TMEM87B: variants seen among roughly 807,000 people sequenced by gnomAD.
TMEM87B encodes the protein transmembrane protein 87B.
TMEM87B carries 83 observed loss-of-function variants against 80.3 expected under a neutral mutation model. The ratio of observed to expected loss-of-function variants is 1.03; its 90% CI spans 0.87 to 1.24. The LOEUF (loss-of-function observed/expected upper bound fraction) is 1.24. Ranked by LOEUF, TMEM87B falls within the 50% of genes most tolerant of loss-of-function variation. The probability of loss-of-function intolerance (pLI) is 0.00; values close to 1 mark genes in which losing one functional copy is unlikely to be tolerated. For missense variants in TMEM87B, 625 were observed against 674.4 expected (o/e 0.93, Z 0.81); for synonymous variants, 219 against 230.5 (o/e 0.95, Z 0.45).
At chr2:112,089,023 G>T (rs1679227998) in intron 9 of TMEM87B, among the ~76,000 whole-genome samples, 2 of 152,166 alleles carry the variant, frequency 1.3e-5, no homozygotes, top group South Asian at 4.1e-4. Flanking sequence ...GGCCTCCCAA[G>T]ATGCTAGGAT....
chr2:112,098,765 C>T (rs560039430), intron 14 of TMEM87B, 67 bp downstream of exon 14: 822 of 1,448,588 alleles, frequency 5.7e-4, no homozygotes, highest in Middle Eastern at 1.4e-3. Flanking sequence ...GTCAAGAACA[C>T]GTTTATAGAA....
At position 112,097,280 on chromosome 2, in the gene TMEM87B, A is replaced by G. The variant is rs779340805; in HGVS notation, c.1261A>G (p.Lys421Glu). The G allele has an allele frequency of 6.2e-7, 1 of 1,605,534 alleles. No homozygotes were observed. Among genetic ancestry groups the G allele is most frequent in the Non-Finnish European group, 8.5e-7 (1 of 1,177,704 alleles). ...GACAACTAAGACATTTAGAATTGCA[A>G]AATGCCAATCAGTAAGTATAACCTT... is the stretch of plus-strand genomic sequence containing the variant. ...GWTTKTFRIA[K>E]CQSDWMERWV... Residue 421 changes from lysine (K) to glutamate (E), a missense_variant, in exon 13 of 19, where the codon AAA (lysine) becomes GAA (glutamate). Physicochemically the swap from Lys to Glu is moderately conservative, Grantham distance 56. Coordinates refer to ENST00000283206, the MANE Select transcript of TMEM87B (RefSeq NM_032824.3).
At chr2:112,078,039 C>T (rs556978160) in intron 6 of TMEM87B, among the ~76,000 whole-genome samples, 8 of 152,228 alleles carry the variant, frequency 5.3e-5, no homozygotes, top group Admixed American at 1.3e-4. Flanking sequence ...AGAGGAGGCT[C>T]GGTCTGTTGT....
intron 9 of TMEM87B, among the ~76,000 whole-genome samples, chr2:112,086,428 G>A (rs1679146904): frequency 6.6e-6 from 1 of 152,058 alleles, no homozygotes; most frequent in South Asian, 2.1e-4. Flanking sequence ...AAGCTTTTAT[G>A]GTCCTATCTG....
chr2:112,105,908 A>G, intron 15 of TMEM87B, 94 bp from the exon 16 acceptor site: 1 of 865,482 alleles, frequency 1.2e-6, no homozygotes, highest in Non-Finnish European at 1.6e-6. Flanking sequence ...CCATTTCTAA[A>G]AAGATATAGT....
At chr2:112,100,850 CAGAA>C (rs2104498821) in intron 15 of TMEM87B, among the ~76,000 whole-genome samples, 155 bp downstream of exon 15, 1 of 152,188 alleles carries the variant, frequency 6.6e-6, no homozygotes, top group African/African-American at 2.4e-5. Flanking sequence ...TAGACAGTAA[CAGAA>C]AGGTCAGTGA....
rs770857630 is a variant in TMEM87B, at chr2:112,089,688, A to G, written c.1002A>G (p.Ala334=). 6.2e-7 allele frequency: 1 copy of G among 1,614,110 alleles called. No individual in the cohort carries two copies. The highest frequency in any genetic ancestry group is 8.5e-7 in the Non-Finnish European group (1 of 1,179,998). ...TGGGGCTTCTATACTTAATCTTTGCAGCTGTTGAAGGCGTGATGAGAGTCA... is the reference window on the plus strand; with the variant it reads ...TGGGGCTTCTATACTTAATCTTTGCGGCTGTTGAAGGCGTGATGAGAGTCA... The part of the protein sequence containing the change: ...IGLGLLYLIF[A]AVEGVMRVIG... Residue 334 remains alanine (A), a synonymous_variant, in exon 10 of 19, where the codon GCA becomes GCG. Transcript: ENST00000283206.
chr2:112,100,756 C>T, intron 15 of TMEM87B, 61 bp downstream of exon 15: 2 of 1,105,688 alleles, frequency 1.8e-6, no homozygotes, highest in South Asian at 1.5e-5. Flanking sequence ...AATATTGTAC[C>T]TTTACCCGTG....
rs553962558 is a variant in TMEM87B, at chr2:112,091,377, G to A, written c.1033-335G>A. The stretch of plus-strand genomic sequence containing the variant: ...CTTCACAACACAGTCAGGAAAGATC[G>A]GGAGTTCGTTTCATTAATAGCCCTG... On this transcript the variant is annotated intron_variant, in intron 10 of 18. Coordinates refer to ENST00000283206, the MANE Select transcript of TMEM87B (RefSeq NM_032824.3). 1.5e-3 allele frequency among the ~76,000 whole-genome samples: 233 copies of A among 152,232 alleles called. 7 individuals carry two copies. The highest frequency in any genetic ancestry group is 1.7e-3 in the Non-Finnish European group (115 of 68,024).
intron 13 of TMEM87B, among the ~76,000 whole-genome samples, chr2:112,097,982 CT>C (rs939737090): frequency 8.8e-4 from 122 of 138,960 alleles, no homozygotes; most frequent in African/African-American, 8.7e-4. Context: ...GCGATGTTTT[CT>C]TTTTTTTTTT....
chr2:112,097,812 T>G (rs1026138501), intron 13 of TMEM87B, among the ~76,000 whole-genome samples: 1 of 152,000 alleles, frequency 6.6e-6, no homozygotes, highest in African/African-American at 2.4e-5. Context: ...TTTGTCAAGT[T>G]TTTTTTATAT....
intron 4 of TMEM87B, among the ~76,000 whole-genome samples, chr2:112,067,701 T>C (rs1678478340): frequency 6.6e-6 from 1 of 152,212 alleles, no homozygotes; most frequent in African/African-American, 2.4e-5. Flanking sequence ...CCAATTTATC[T>C]CTCACTCTTC....
At position 112,116,565 on chromosome 2, in the gene TMEM87B, C is replaced by T. The variant is rs74369221; in HGVS notation, c.*422C>T. On this transcript the variant is annotated 3_prime_UTR_variant, in exon 19 of 19. Transcript: ENST00000283206. ...GTGATTTTCTGGAGTATAGTATATC[C>T]GTGTCTCTGTGTCTTAGGTTTACTA... The T allele has an allele frequency of 7.1e-3, 1,095 of 154,430 alleles. 13 individuals carry two copies. The highest frequency in any genetic ancestry group is 0.025 in the African/African-American group (1,032 of 41,492). 9.6% of individuals were successfully genotyped at this position (154,430 alleles called of 1,614,324 possible).
chr2:112,071,285 T>C (rs767531994), intron 4 of TMEM87B, among the ~76,000 whole-genome samples: 5 of 151,072 alleles, frequency 3.3e-5, no homozygotes, highest in Non-Finnish European at 7.4e-5. Flanking sequence ...GGTGTACAGG[T>C]ATGCTAGTGA....
intron 4 of TMEM87B, among the ~76,000 whole-genome samples, chr2:112,072,162 G>A (rs776047157): frequency 2.6e-5 from 4 of 152,192 alleles, no homozygotes; most frequent in Admixed American, 6.5e-5. Context: ...ACTTTTTGAT[G>A]TGCTGCTGGA....
chr2:112,110,499 T>C (rs924792619), intron 17 of TMEM87B, among the ~76,000 whole-genome samples: 1 of 152,180 alleles, frequency 6.6e-6, no homozygotes, highest in African/African-American at 2.4e-5. Flanking sequence ...TTTCTTCTAC[T>C]GTAAAATGTT....
intron 6 of TMEM87B, among the ~76,000 whole-genome samples, chr2:112,079,619 G>A (rs1678924887): frequency 1.3e-5 from 2 of 152,138 alleles, no homozygotes; most frequent in South Asian, 4.1e-4. Context: ...GATCTTTTGG[G>A]TAAATAGTAA....
At chr2:112,106,333 T>G (rs919715401) in intron 16 of TMEM87B, among the ~76,000 whole-genome samples, 3 of 152,176 alleles carry the variant, frequency 2.0e-5, no homozygotes, top group Non-Finnish European at 4.4e-5. Flanking sequence ...GGGAACTTGT[T>G]AGAGATGCAG....
At chr2:112,074,268 T>C (rs1678744328) in intron 4 of TMEM87B, among the ~76,000 whole-genome samples, 1 of 152,182 alleles carries the variant, frequency 6.6e-6, no homozygotes, top group Admixed American at 6.5e-5. Flanking sequence ...TCTGAATGAA[T>C]TCCCTCAGCA....
Sources: gnomAD v4.1 joint callset for allele counts (sites outside exome capture counted in the v4.1 genomes callset) on GRCh38, gnomAD v4.1.1 for gene constraint, MANE v1.5 for transcripts, NCBI Gene and HGNC (gene_info 2026-07-23, HGNC 2026-07-21) for gene names.